The following SORCS1 variants were observed in gnomAD, a reference collection of about 807,000 sequenced individuals.
The protein encoded by SORCS1 is VPS10 domain-containing receptor SorCS1.
SORCS1 carries 60 observed loss-of-function variants against 146.1 expected under a neutral mutation model. The observed-to-expected ratio is 0.41, with a 90% CI of 0.33 to 0.51. The LOEUF (loss-of-function observed/expected upper bound fraction) is 0.51, where lower values mean the gene tolerates loss of function less well. Ranked by LOEUF, SORCS1 falls within the 20% of genes least tolerant of loss-of-function variation. The pLI, the probability that SORCS1 is intolerant of heterozygous loss-of-function variation, is 0.21. For missense variants in SORCS1, 1,352 were observed against 1,487.6 expected (o/e 0.91, Z 1.50); for synonymous variants, 637 against 584.0 (o/e 1.09, Z -1.31).
chr10:107,097,518 G>T (rs896068346), intron 1 of SORCS1, among the ~76,000 whole-genome samples: 1 of 152,108 alleles, frequency 6.6e-6, no homozygotes, highest in Admixed American at 6.5e-5. Context: ...ACTGGCTAGG[G>T]TTCCAAAGCT....
intron 2 of SORCS1, among the ~76,000 whole-genome samples, chr10:106,882,552 C>G (rs557478833): frequency 6.6e-6 from 1 of 152,176 alleles, no homozygotes; most frequent in Non-Finnish European, 1.5e-5. Flanking sequence ...TATTTATAAT[C>G]AGGTGGTAGG....
chr10:106,837,839 C>G (rs572898852), intron 2 of SORCS1, among the ~76,000 whole-genome samples: 9 of 152,082 alleles, frequency 5.9e-5, no homozygotes, highest in Non-Finnish European at 2.9e-5. Context: ...GCTTTCTGAA[C>G]AATGCTCATG....
chr10:106,789,024 T>G (rs936218987), intron 3 of SORCS1, among the ~76,000 whole-genome samples: 2 of 152,226 alleles, frequency 1.3e-5, no homozygotes, highest in Admixed American at 6.5e-5. Context: ...TTCTTGACTT[T>G]GTGCACATGC....
At chr10:106,652,305 T>C in intron 18 of SORCS1, 77 bp downstream of exon 18, 1 of 1,409,644 alleles carries the variant, frequency 7.1e-7, no homozygotes, top group Non-Finnish European at 9.4e-7. Context: ...TTGAAAAAGA[T>C]ATGGAAACAA....
At chr10:106,929,960 A>T (rs959890607) in intron 2 of SORCS1, among the ~76,000 whole-genome samples, 7 of 152,252 alleles carry the variant, frequency 4.6e-5, no homozygotes, top group Admixed American at 2.6e-4. Context: ...AAGAAAATTA[A>T]TGATGGCCGG....
At chr10:106,902,289 C>G (rs540238612) in intron 2 of SORCS1, among the ~76,000 whole-genome samples, 1 of 152,194 alleles carries the variant, frequency 6.6e-6, no homozygotes, top group South Asian at 2.1e-4. Flanking sequence ...ATCTTCCCCC[C>G]ATGGATTTGC....
chr10:106,687,158 G>A (rs1463623703), intron 10 of SORCS1, among the ~76,000 whole-genome samples: 6 of 152,142 alleles, frequency 3.9e-5, no homozygotes, highest in African/African-American at 1.4e-4. Context: ...ACTTATCTGT[G>A]TGTCAAAATT....
chr10:106,806,059 CAAA>C (rs368242771), intron 3 of SORCS1, among the ~76,000 whole-genome samples: 2 of 100,132 alleles, frequency 2.0e-5, no homozygotes. Flanking sequence ...GACTCCGTCT[CAAA>C]AAAAAAAAAA....
At chr10:106,873,003 T>A (rs892806834) in intron 2 of SORCS1, among the ~76,000 whole-genome samples, 1 of 152,070 alleles carries the variant, frequency 6.6e-6, no homozygotes, top group African/African-American at 2.4e-5. Context: ...TGAAACCCCA[T>A]CTCTACTAAA....
At chr10:106,614,238 C>G (rs149445148) in intron 21 of SORCS1, among the ~76,000 whole-genome samples, 13 of 152,210 alleles carry the variant, frequency 8.5e-5, no homozygotes, top group African/African-American at 2.9e-4. Context: ...GAAATTTATG[C>G]ATTTATTTAT....
intron 1 of SORCS1, among the ~76,000 whole-genome samples, chr10:107,056,561 G>A (rs1466179382): frequency 2.6e-5 from 4 of 152,196 alleles, no homozygotes; most frequent in African/African-American, 9.7e-5. Context: ...TGAGGACAGA[G>A]GAAAACTATC....
At chr10:106,875,812 A>G (rs1485387554) in intron 2 of SORCS1, among the ~76,000 whole-genome samples, 1 of 152,060 alleles carries the variant, frequency 6.6e-6, no homozygotes, top group Admixed American at 6.5e-5. Context: ...ATTTCTGACA[A>G]CATTTTTGAG....
At chr10:106,808,922 C>T (rs546543724) in intron 3 of SORCS1, among the ~76,000 whole-genome samples, 94 of 152,300 alleles carry the variant, frequency 6.2e-4, no homozygotes, top group Admixed American at 1.2e-3. Context: ...TCCCTCCACT[C>T]TAGAGGTGGC....
rs901805440 is a variant in SORCS1 at position 106,985,117 on chromosome 10, G to A, written c.559-28537C>T. On this transcript the variant is annotated intron_variant, in intron 1 of 25. Transcript: ENST00000263054. ...AAGGAGAATCGCTTGAACCTGGGAGGTGGAAGTTGCAGTGAGCCAAGATCA... is the reference window on the plus strand; with the variant it reads ...AAGGAGAATCGCTTGAACCTGGGAGATGGAAGTTGCAGTGAGCCAAGATCA... 3.3e-5 allele frequency among the ~76,000 whole-genome samples: 5 copies of A among 152,162 alleles called. No individual in the cohort carries two copies. In the East Asian group the frequency reaches 7.7e-4, roughly 23 times the overall value.
At chr10:106,815,520 A>C (rs1433886815) in intron 3 of SORCS1, among the ~76,000 whole-genome samples, 1 of 152,214 alleles carries the variant, frequency 6.6e-6, no homozygotes, top group African/African-American at 2.4e-5. Flanking sequence ...TGGGTTTGAT[A>C]ATCTTCTGGG....
chr10:106,937,079 T>C (rs1453548277), intron 2 of SORCS1, among the ~76,000 whole-genome samples: 1 of 152,276 alleles, frequency 6.6e-6, no homozygotes, highest in East Asian at 1.9e-4. Context: ...ATCCCATGTG[T>C]CATGGGAAGG....
In SORCS1 at chr10:106,577,450, C is replaced by CCGCTTTGG. The variant is rs777134367; in HGVS notation, c.3469_3476dup (p.Gly1160GlnfsTer24). 6.2e-7 allele frequency: 1 copy of CCGCTTTGG among 1,614,006 alleles called. No homozygotes were observed. The highest frequency in any genetic ancestry group is 2.2e-5 in the East Asian group (1 of 44,864). On this transcript the variant is annotated frameshift_variant, in exon 26 of 26. Transcript: ENST00000263054. ...TTGCATACTGTGCCCCAGCAGATCC[C>CCGCTTTGG]CGCTTTGGCGTTGAAGGCGGAGTGG...
At chr10:106,862,780 CAAAAAAA>C (rs58654489) in intron 2 of SORCS1, among the ~76,000 whole-genome samples, 11 of 60,242 alleles carry the variant, frequency 1.8e-4, no homozygotes, top group Non-Finnish European at 3.5e-4. Flanking sequence ...CCTGTCTCTA[CAAAAAAA>C]AAAAAAAAAA....
At chr10:106,720,377 T>A (rs1368286696) in intron 6 of SORCS1, among the ~76,000 whole-genome samples, 3 of 151,332 alleles carry the variant, frequency 2.0e-5, no homozygotes, top group African/African-American at 7.3e-5. Context: ...TTCCCCATCA[T>A]TAAAATGAGG....
Sources: allele counts gnomAD v4.1 joint callset (sites outside exome capture counted in the v4.1 genomes callset), GRCh38; gene constraint gnomAD v4.1.1; transcripts MANE v1.5; gene names NCBI Gene and HGNC (gene_info 2026-07-23, HGNC 2026-07-21).